The following VASH2 variants were observed in gnomAD, a reference collection of about 807,000 sequenced individuals.
The protein encoded by VASH2 is tubulinyl-Tyr carboxypeptidase 2.
In VASH2, 28 loss-of-function variants were observed where a neutral mutation model predicts 37.2. That is an observed-to-expected ratio of 0.75 (90% CI 0.56 to 1.03). The LOEUF is 1.03. Ranked by LOEUF, VASH2 falls within the 50% of genes least tolerant of loss-of-function variation. The probability of loss-of-function intolerance (pLI) is 0.00; values close to 1 mark genes in which losing one functional copy is unlikely to be tolerated. For synonymous variants in VASH2, 188 were observed against 174.7 expected (o/e 1.08, Z -0.60); for missense variants, 419 against 459.1 (o/e 0.91, Z 0.80).
At chr1:212,956,051 G>T (rs913182221) in intron 2 of VASH2, among the ~76,000 whole-genome samples, 1 of 152,312 alleles carries the variant, frequency 6.6e-6, no homozygotes, top group East Asian at 1.9e-4. Context: ...ATGACAAAAG[G>T]TTTTGAATTC....
rs542133408 is a variant in VASH2, at chr1:212,977,673, C to T, written c.995+3603C>T. Among the ~76,000 whole-genome samples, 6 of 152,152 alleles carry T rather than the reference C, an allele frequency of 3.9e-5. No homozygotes were observed. In the South Asian group the frequency reaches 6.2e-4, roughly 16 times the overall value. On this transcript the variant is annotated intron_variant, in intron 7 of 7. Transcript: ENST00000517399. Reference sequence around the variant, plus strand: ...CCAGTGAAGGAGTTGAAGAAAGGGCCCAGCTGAGGACAGATAGATAGGCCC... The same window carrying T: ...CCAGTGAAGGAGTTGAAGAAAGGGCTCAGCTGAGGACAGATAGATAGGCCC...
At chr1:212,960,049 A>G (rs1666625794) in intron 2 of VASH2, among the ~76,000 whole-genome samples, 1 of 152,194 alleles carries the variant, frequency 6.6e-6, no homozygotes, top group East Asian at 1.9e-4. Flanking sequence ...AAATAAAGCG[A>G]AAAACAAAAC....
chr1:212,980,499 G>T (rs775831084), intron 7 of VASH2, among the ~76,000 whole-genome samples: 1 of 151,990 alleles, frequency 6.6e-6, no homozygotes, highest in African/African-American at 2.4e-5. Flanking sequence ...TGGCTCCAGC[G>T]GGCTCTGTCT....
intron 3 of VASH2, among the ~76,000 whole-genome samples, chr1:212,962,754 C>T (rs187000132): frequency 6.6e-5 from 10 of 152,286 alleles, no homozygotes; most frequent in Admixed American, 5.2e-4. Flanking sequence ...GAGGAGGTAG[C>T]GCCGGTCTCC....
At chr1:212,987,031 C>CAGAGAGAG (rs10601750) in intron 7 of VASH2, among the ~76,000 whole-genome samples, 3 of 148,458 alleles carry the variant, frequency 2.0e-5, no homozygotes, top group South Asian at 2.1e-4. Flanking sequence ...CTTCCCATTT[C>CAGAGAGAG]AGAGAGAGAG....
rs564722136 is a variant in VASH2 at position 212,979,812 on chromosome 1, A to T, written c.995+5742A>T. On this transcript the variant is annotated intron_variant, in intron 7 of 7. Transcript: ENST00000517399. ...AGTGTGTAAAGCACCTACTACACTG[A>T]ATTGTCAAGTTTTTTCCTGTGGTTC... 7.2e-5 allele frequency among the ~76,000 whole-genome samples: 11 copies of T among 152,202 alleles called. No individual in the cohort carries two copies. The South Asian group carries it at 1.0e-3, about 14-fold the overall frequency.
At chr1:212,961,556 C>T (rs1666677433) in intron 3 of VASH2, among the ~76,000 whole-genome samples, 1 of 152,140 alleles carries the variant, frequency 6.6e-6, no homozygotes, top group Non-Finnish European at 1.5e-5. Flanking sequence ...TCCTCTTTCT[C>T]CACTTCCTTT....
At chr1:212,955,646 A>G (rs1666467167) in intron 2 of VASH2, among the ~76,000 whole-genome samples, 1 of 152,216 alleles carries the variant, frequency 6.6e-6, no homozygotes, top group Non-Finnish European at 1.5e-5. Flanking sequence ...ATTCAGCAAG[A>G]AACAGCAGTC....
Position 212,988,968 on chromosome 1 carries a change from T to C in VASH2, c.*384T>C. 1 of 176,210 alleles carries C rather than the reference T, an allele frequency of 5.7e-6. No homozygotes were observed. Among genetic ancestry groups the C allele is most frequent in the Admixed American group, 5.6e-5 (1 of 17,916 alleles). The allele number at this position is 176,210 out of a possible 1,614,324, so 10.9% of individuals were successfully genotyped here. On this transcript the variant is annotated 3_prime_UTR_variant, in exon 8 of 8. Transcript: ENST00000517399. ...TGGTATAGTAAGGTAACTCTAACAG[T>C]ATTACTGTCTTTTTCAGCAATAACA...
intron 7 of VASH2, among the ~76,000 whole-genome samples, chr1:212,983,235 G>A (rs1428116393): frequency 1.3e-5 from 2 of 152,324 alleles, no homozygotes; most frequent in East Asian, 3.9e-4. Flanking sequence ...AACAGATGTT[G>A]TCTTAGTCCA....
In VASH2 at chr1:212,951,553, C is replaced by A. The variant is rs1184804017; in HGVS notation, c.11C>A (p.Ser4Tyr). The A allele has an allele frequency of 2.0e-6, 3 of 1,521,262 alleles. No homozygotes were observed. The highest frequency in any genetic ancestry group is 2.6e-6 in the Non-Finnish European group (3 of 1,134,360). 94.2% of individuals were successfully genotyped at this position (1,521,262 alleles called of 1,614,324 possible). The change falls in exon 2 of 8, where the codon TCC becomes TAC. Residue 4 changes from serine to tyrosine, a missense_variant. Around this residue, in one of 3 missense-constraint regions of VASH2, gnomAD observed 158 missense variants for 163.0 expected, o/e 0.97. Transcript: ENST00000517399. The surrounding 1 kb of genome is among the most constrained non-coding windows in gnomAD (Gnocchi z 4.4). MTG[S>Y]AADTHRCPHP... ...CGCCCAGGCCCCACCATGACCGGCT[C>A]CGCGGCCGACACTCACCGCTGCCCC...
chr1:212,970,261 AG>A (rs1428943696), intron 5 of VASH2, among the ~76,000 whole-genome samples: 1 of 152,082 alleles, frequency 6.6e-6, no homozygotes, highest in Non-Finnish European at 1.5e-5. Context: ...CTCCATTCCC[AG>A]TTGCTCCAGG....
intron 7 of VASH2, among the ~76,000 whole-genome samples, chr1:212,979,049 C>T (rs12122955): frequency 0.47 from 71,196 of 150,038 alleles, 18,707 homozygotes; most frequent in Non-Finnish European, 0.6. Context: ...AAGAGAGGTG[C>T]AGGACATGAG....
At chr1:212,984,603 A>T (rs1051591979) in intron 7 of VASH2, among the ~76,000 whole-genome samples, 3 of 152,190 alleles carry the variant, frequency 2.0e-5, no homozygotes, top group Non-Finnish European at 2.9e-5. Context: ...AGAGTTTCAG[A>T]AGGAGGAGAG....
intron 7 of VASH2, among the ~76,000 whole-genome samples, chr1:212,977,192 C>G (rs1279507326): frequency 6.6e-6 from 1 of 151,852 alleles, no homozygotes; most frequent in African/African-American, 2.4e-5. Context: ...AGGCCAGATT[C>G]CTTTATCAAG....
intron 4 of VASH2, 48 bp downstream of exon 4, chr1:212,965,826 GA>G (rs1558145444): frequency 2.6e-6 from 4 of 1,510,040 alleles, no homozygotes; most frequent in Admixed American, 2.0e-5. Context: ...TCCTACATTC[GA>G]GCTGCCAGCT....
chr1:212,975,968 G>C (rs1338730747), intron 7 of VASH2, among the ~76,000 whole-genome samples: 1 of 152,186 alleles, frequency 6.6e-6, no homozygotes, highest in Non-Finnish European at 1.5e-5. Context: ...CAGGGACTTT[G>C]CATTCACAGG....
chr1:212,951,532 C>T lies in VASH2; in HGVS notation c.-11C>T. ...CGCCCCCAGTACCTCGCTCCCCGCCCAGGCCCCACCATGACCGGCTCCGCG... is the reference window on the plus strand; with the variant it reads ...CGCCCCCAGTACCTCGCTCCCCGCCTAGGCCCCACCATGACCGGCTCCGCG... On this transcript the variant is annotated 5_prime_UTR_variant, in exon 2 of 8. Coordinates refer to ENST00000517399, the MANE Select transcript of VASH2 (RefSeq NM_001301056.2). This position sits in a 1 kb window ranked among gnomAD's most constrained non-coding sequence, Gnocchi z 4.4. The T allele has an allele frequency of 6.8e-7, 1 of 1,470,976 alleles. No individual in the cohort carries two copies. Among genetic ancestry groups the T allele is most frequent in the South Asian group, 1.4e-5 (1 of 73,488 alleles). The allele number at this position is 1,470,976 out of a possible 1,614,324, so 91.1% of individuals were successfully genotyped here. A position where few individuals can be genotyped will look rare whatever the true frequency, so the allele number is the denominator to read the frequency against.
At chr1:212,957,493 T>G (rs2102622009) in intron 2 of VASH2, among the ~76,000 whole-genome samples, 1 of 152,318 alleles carries the variant, frequency 6.6e-6, no homozygotes, top group South Asian at 2.1e-4. Flanking sequence ...AGCTCCCAAG[T>G]TGAGTGTCCA....
Sources: allele counts gnomAD v4.1 joint callset (sites outside exome capture counted in the v4.1 genomes callset), GRCh38; gene constraint gnomAD v4.1.1; regional missense constraint gnomAD v4.1.1; non-coding constraint Gnocchi (gnomAD v3.1); transcripts MANE v1.5; gene names NCBI Gene and HGNC (gene_info 2026-07-23, HGNC 2026-07-21).